RAG1: variants seen among roughly 807,000 people sequenced by gnomAD.
The protein encoded by RAG1 is recombination activating 1.
RAG1 carries 35 observed loss-of-function variants against 62.7 expected under a neutral mutation model. The ratio of observed to expected loss-of-function variants is 0.56; its 90% CI spans 0.43 to 0.74. The LOEUF (loss-of-function observed/expected upper bound fraction) is 0.74. Among genes scored for constraint, RAG1 ranks in the 30% least tolerant of loss-of-function variants. The probability of loss-of-function intolerance (pLI) is 0.00; values close to 1 mark genes in which losing one functional copy is unlikely to be tolerated. For missense variants in RAG1, 1,169 were observed against 1,278.6 expected (o/e 0.91, Z 1.31); for synonymous variants, 461 against 470.3 (o/e 0.98, Z 0.26).
intron 1 of RAG1, among the ~76,000 whole-genome samples, chr11:36,514,747 G>A (rs1296001108): frequency 6.6e-6 from 1 of 152,198 alleles, no homozygotes; most frequent in African/African-American, 2.4e-5. Context: ...TGCCACAGCT[G>A]ATGTGGCAGA....
intron 1 of RAG1, among the ~76,000 whole-genome samples, chr11:36,512,025 A>C (rs1288495707): frequency 1.3e-5 from 2 of 152,322 alleles, no homozygotes; most frequent in East Asian, 3.9e-4. Flanking sequence ...GTTTCTTTAC[A>C]TTGTTTTCAT....
Position 36,573,411 on chromosome 11 carries a change from G to A in RAG1, c.107G>A (p.Arg36Lys). 1.2e-6 allele frequency: 2 copies of A among 1,614,104 alleles called. No homozygotes were observed. Among genetic ancestry groups the A allele is most frequent in the Non-Finnish European group, 1.7e-6 (2 of 1,180,028 alleles). Residue 36 changes from arginine (R) to lysine (K), a missense_variant, in exon 2 of 2, where the codon AGA becomes AAA. By Grantham distance (26) the Arg-to-Lys change is conservative (BLOSUM62 2). Coordinates refer to ENST00000299440, the MANE Select transcript of RAG1 (RefSeq NM_000448.3). ...SEWKFKLFRV[R>K]SFEKTPEEAQ... The stretch of plus-strand genomic sequence containing the variant: ...TGGAAATTTAAGCTGTTCCGGGTGA[G>A]ATCCTTTGAAAAGACACCTGAAGAA...
At chr11:36,533,784 A>T (rs1031003880) in intron 2 of RAG1, among the ~76,000 whole-genome samples, 23 of 152,132 alleles carry the variant, frequency 1.5e-4, no homozygotes, top group Non-Finnish European at 2.9e-5. Flanking sequence ...TATTATTGAT[A>T]TTGAGATAAG....
At chr11:36,546,159 A>G (rs1196427614) in intron 3 of RAG1, among the ~76,000 whole-genome samples, 2 of 152,096 alleles carry the variant, frequency 1.3e-5, no homozygotes, top group Non-Finnish European at 2.9e-5. Context: ...TCTTGTTGAT[A>G]TAATATTGAC....
chr11:36,510,844 C>G (rs746288790), exon 1 of RAG1: 2 of 152,210 alleles, frequency 1.3e-5, no homozygotes, highest in African/African-American at 2.4e-5. Flanking sequence ...CCCTGTTTAA[C>G]TGGTCATAAA....
chr11:36,535,018 C>T (rs1860305510), intron 2 of RAG1, among the ~76,000 whole-genome samples: 1 of 152,126 alleles, frequency 6.6e-6, no homozygotes, highest in South Asian at 2.1e-4. Context: ...TTACCTTTGA[C>T]TACATTATAT....
At chr11:36,517,107 A>G (rs921886293) in intron 1 of RAG1, among the ~76,000 whole-genome samples, 4 of 152,206 alleles carry the variant, frequency 2.6e-5, no homozygotes, top group African/African-American at 9.6e-5. Flanking sequence ...ACTTGGTGGG[A>G]AAAACAGGAT....
intron 3 of RAG1, among the ~76,000 whole-genome samples, chr11:36,547,330 T>C (rs1850409730): frequency 6.6e-6 from 1 of 151,882 alleles, no homozygotes; most frequent in Non-Finnish European, 1.5e-5. Context: ...AATCAATGAA[T>C]CCAGAAGCTG....
chr11:36,564,506 C>A (rs1850634142), upstream of RAG1, among the ~76,000 whole-genome samples: 1 of 152,178 alleles, frequency 6.6e-6, no homozygotes, highest in South Asian at 2.1e-4. Context: ...GACTTTTTCT[C>A]ATGGCTTTTT....
intron 3 of RAG1, among the ~76,000 whole-genome samples, chr11:36,545,862 C>G (rs1053335048): frequency 1.3e-5 from 2 of 152,210 alleles, no homozygotes; most frequent in Non-Finnish European, 2.9e-5. Flanking sequence ...AGCAGTCATT[C>G]AGATGCAGGT....
intron 3 of RAG1, among the ~76,000 whole-genome samples, chr11:36,559,096 A>T (rs1339222462): frequency 6.6e-6 from 1 of 151,990 alleles, no homozygotes; most frequent in Non-Finnish European, 1.5e-5. Flanking sequence ...TTTCTGAGGG[A>T]TAGTTTTGTT....
downstream of RAG1, among the ~76,000 whole-genome samples, chr11:36,539,545 C>T (rs923673482): frequency 6.6e-6 from 1 of 152,126 alleles, no homozygotes; most frequent in African/African-American, 2.4e-5. Context: ...AGTACAGTGG[C>T]ACCATCTCAG....
At chr11:36,534,657 A>G (rs952206865) in intron 2 of RAG1, among the ~76,000 whole-genome samples, 1 of 152,234 alleles carries the variant, frequency 6.6e-6, no homozygotes, top group African/African-American at 2.4e-5. Flanking sequence ...GAGGATGTGC[A>G]AAGTTACATT....
intron 2 of RAG1, among the ~76,000 whole-genome samples, chr11:36,534,882 C>T (rs189155189): frequency 2.6e-5 from 4 of 152,074 alleles, no homozygotes; most frequent in Non-Finnish European, 5.9e-5. Flanking sequence ...TTTGGGGTAT[C>T]CTACCAGTTC....
At chr11:36,532,890 T>G (rs1297442228) in intron 2 of RAG1, among the ~76,000 whole-genome samples, 1 of 152,234 alleles carries the variant, frequency 6.6e-6, no homozygotes, top group Non-Finnish European at 1.5e-5. Flanking sequence ...AGTTTATTGT[T>G]AATATCTTAC....
Position 36,575,648 on chromosome 11 carries a change from G to T in RAG1, c.2344G>T (p.Val782Phe). The T allele has an allele frequency of 6.2e-7, 1 of 1,614,174 alleles. No homozygotes were observed. Among genetic ancestry groups the T allele is most frequent in the Non-Finnish European group, 8.5e-7 (1 of 1,180,020 alleles). ...VEELRDRVKG[V>F]SAKPFIETVP... Reference sequence around the variant, plus strand: ...AGAACTGCGGGATCGGGTGAAAGGGGTCTCAGCTAAACCTTTCATTGAGAC... The same window carrying T: ...AGAACTGCGGGATCGGGTGAAAGGGTTCTCAGCTAAACCTTTCATTGAGAC... Residue 782 changes from valine to phenylalanine, a missense_variant, in exon 2 of 2, where the codon GTC becomes TTC. Val to Phe is a conservative substitution (Grantham distance 50). Coordinates refer to ENST00000299440, the MANE Select transcript of RAG1 (RefSeq NM_000448.3). This position sits in a 1 kb window ranked among gnomAD's most constrained non-coding sequence, Gnocchi z 4.1.
At chr11:36,570,901 C>T (rs572402036) in intron 1 of RAG1, among the ~76,000 whole-genome samples, 1 of 152,208 alleles carries the variant, frequency 6.6e-6, no homozygotes, top group South Asian at 2.1e-4. Flanking sequence ...TGTTTGAGCT[C>T]CTTGTATATT....
In RAG1 at chr11:36,575,478, G is replaced by T; in HGVS notation, c.2174G>T (p.Gly725Val). The T allele has an allele frequency of 6.2e-7, 1 of 1,614,148 alleles. No homozygotes were observed. Among genetic ancestry groups the T allele is most frequent in the Non-Finnish European group, 8.5e-7 (1 of 1,180,024 alleles). ...GAAGTGGAAGGCCTCGAGGCTTCTGGCTCAGTCTACATTTGTACTCTTTGT... is the reference window on the plus strand; with the variant it reads ...GAAGTGGAAGGCCTCGAGGCTTCTGTCTCAGTCTACATTTGTACTCTTTGT... Reference protein sequence around the residue: ...VREVEGLEASGSVYICTLCDA... With the variant: ...VREVEGLEASVSVYICTLCDA... Residue 725 changes from glycine to valine, a missense_variant, in exon 2 of 2, where the codon GGC (glycine) becomes GTC (valine). Physicochemically the swap from Gly to Val is moderately radical, Grantham distance 109. Around this residue, in one of 2 missense-constraint regions of RAG1, gnomAD observed 800 missense variants for 943.3 expected, o/e 0.85. Transcript: ENST00000299440. The surrounding 1 kb of genome is among the most constrained non-coding windows in gnomAD (Gnocchi z 4.1).
upstream of RAG1, chr11:36,567,274 T>G (rs1850673526): frequency 6.6e-6 from 1 of 152,218 alleles, no homozygotes; most frequent in African/African-American, 2.4e-5. Context: ...GTATGACTGT[T>G]GTGAAAATTA....
Sources: allele counts gnomAD v4.1 joint callset (sites outside exome capture counted in the v4.1 genomes callset), GRCh38; gene constraint gnomAD v4.1.1; regional missense constraint gnomAD v4.1.1; non-coding constraint Gnocchi (gnomAD v3.1); transcripts MANE v1.5; gene names NCBI Gene and HGNC (gene_info 2026-07-23, HGNC 2026-07-21).